Variants in VAV2 observed in about 807,000 individuals in gnomAD.
VAV2 encodes the protein vav guanine nucleotide exchange factor 2, also known as guanine nucleotide exchange factor VAV2.
Under a neutral mutation model 132.5 loss-of-function variants are expected in VAV2, and 67 were observed. The observed-to-expected ratio is 0.51, with a 90% CI of 0.42 to 0.62. The LOEUF (loss-of-function observed/expected upper bound fraction) is 0.62, where lower values mean the gene tolerates loss of function less well. VAV2 is among the 20% of genes least tolerant of loss of function. VAV2 has a pLI of 0.00. For synonymous variants in VAV2, 492 were observed against 443.5 expected (o/e 1.11, Z -1.37); for missense variants, 938 against 1,153.6 (o/e 0.81, Z 2.71).
chr9:133,916,081 G>A (rs1419106624), intron 2 of VAV2, among the ~76,000 whole-genome samples: 1 of 152,214 alleles, frequency 6.6e-6, no homozygotes, highest in African/African-American at 2.4e-5. Context: ...ATACACACGT[G>A]CACACACGCA....
intron 12 of VAV2, among the ~76,000 whole-genome samples, 177 bp downstream of exon 12, chr9:133,795,491 T>A (rs917392146): frequency 2.4e-4 from 36 of 152,258 alleles, no homozygotes; most frequent in African/African-American, 7.7e-4. Flanking sequence ...CCTCCACCCG[T>A]CACCTCTACC....
chr9:133,806,857 C>T (rs1477213130), intron 8 of VAV2, among the ~76,000 whole-genome samples: 2 of 152,260 alleles, frequency 1.3e-5, no homozygotes, highest in Middle Eastern at 3.2e-3. Flanking sequence ...CTGCTAACCA[C>T]GTCTAGGTGA....
At chr9:133,931,048 A>C (rs557232441) in intron 2 of VAV2, among the ~76,000 whole-genome samples, 23 of 152,338 alleles carry the variant, frequency 1.5e-4, no homozygotes, top group African/African-American at 4.8e-4. Context: ...TTCCGCCCCG[A>C]GTGAGGCTGG....
At chr9:133,910,106 C>A (rs1839824867) in intron 2 of VAV2, among the ~76,000 whole-genome samples, 1 of 152,148 alleles carries the variant, frequency 6.6e-6, no homozygotes, top group Non-Finnish European at 1.5e-5. Context: ...GAATCAGCTT[C>A]CCCCACCCCA....
chr9:133,945,158 G>A (rs1307057870), intron 1 of VAV2, among the ~76,000 whole-genome samples: 1 of 152,244 alleles, frequency 6.6e-6, no homozygotes. Flanking sequence ...ATCTGGGATG[G>A]TTTGACCCCC....
chr9:133,913,237 T>C (rs1360360918), intron 2 of VAV2, among the ~76,000 whole-genome samples: 2 of 152,160 alleles, frequency 1.3e-5, no homozygotes, highest in African/African-American at 2.4e-5. Flanking sequence ...CAACGGCTCA[T>C]AGCTGGCGCC....
rs1029993686 is a variant in VAV2, at chr9:133,823,940, G to A, written c.449+10332C>T. Among the ~76,000 whole-genome samples the A allele has an allele frequency of 4.6e-5, 7 of 152,120 alleles. No homozygotes were observed. Among genetic ancestry groups the A allele is most frequent in the Admixed American group, 2.0e-4 (3 of 15,274 alleles). The stretch of plus-strand genomic sequence containing the variant: ...TGCGTGCGTCAGAGGGTTCCCCTGC[G>A]ATCTCCCACTGAGAAGGAACAAACG... On this transcript the variant is annotated intron_variant, in intron 4 of 29. Transcript: ENST00000371850. This position sits in a 1 kb window ranked among gnomAD's most constrained non-coding sequence, Gnocchi z 5.5.
intron 2 of VAV2, 112 bp downstream of exon 2, chr9:133,938,991 G>T: frequency 1.0e-6 from 1 of 969,384 alleles, no homozygotes; most frequent in Non-Finnish European, 1.7e-6. Context: ...AAATCCACTG[G>T]CTCTGTGTTG....
intron 1 of VAV2, among the ~76,000 whole-genome samples, chr9:133,975,334 T>C (rs560604835): frequency 2.0e-5 from 3 of 152,286 alleles, no homozygotes; most frequent in Non-Finnish European, 4.4e-5. Flanking sequence ...GTCAATGTTA[T>C]CTGCCTCTCT....
chr9:133,881,545 A>T (rs2131939785), intron 2 of VAV2, among the ~76,000 whole-genome samples: 1 of 152,288 alleles, frequency 6.6e-6, no homozygotes, highest in South Asian at 2.1e-4. Context: ...GACGAGGAAC[A>T]CAGTCCACAG....
chr9:133,902,423 G>A (rs1018505786), intron 2 of VAV2, among the ~76,000 whole-genome samples: 6 of 152,186 alleles, frequency 3.9e-5, no homozygotes, highest in African/African-American at 1.4e-4. Flanking sequence ...CCTGAAATGC[G>A]GCCAGCACTG....
intron 15 of VAV2, 55 bp from the exon 16 acceptor site, chr9:133,787,315 C>A: frequency 6.6e-7 from 1 of 1,525,380 alleles, no homozygotes; most frequent in East Asian, 2.4e-5. Flanking sequence ...AGGCTAAGCC[C>A]GGCCCTGTGG....
intron 1 of VAV2, among the ~76,000 whole-genome samples, chr9:133,982,639 A>G (rs570660448): frequency 0.011 from 1,743 of 152,164 alleles, 13 homozygotes; most frequent in Non-Finnish European, 0.017. Context: ...TGTGCTTTGC[A>G]GGGCCCACCA....
At chr9:133,920,419 G>A (rs745962578) in intron 2 of VAV2, among the ~76,000 whole-genome samples, 23 of 152,194 alleles carry the variant, frequency 1.5e-4, no homozygotes, top group Non-Finnish European at 2.8e-4. Context: ...TAGAAGAGGC[G>A]GTGCTGGGCT....
At chr9:133,955,127 C>T (rs967365657) in intron 1 of VAV2, among the ~76,000 whole-genome samples, 6 of 151,940 alleles carry the variant, frequency 3.9e-5, no homozygotes, top group Non-Finnish European at 7.4e-5. Context: ...CCTCCAGGCT[C>T]GGCCAAGGGT....
intron 4 of VAV2, among the ~76,000 whole-genome samples, chr9:133,827,105 A>G (rs1236646959): frequency 2.6e-5 from 4 of 152,018 alleles, no homozygotes; most frequent in Non-Finnish European, 5.9e-5. Context: ...GGGCCCCAGG[A>G]CTCCAGGCCA....
chr9:133,855,917 C>T (rs1180959968), intron 3 of VAV2, among the ~76,000 whole-genome samples: 3 of 152,194 alleles, frequency 2.0e-5, no homozygotes, highest in African/African-American at 4.8e-5. Flanking sequence ...GAGTTCATCA[C>T]GTGATAAACG....
chr9:133,849,264 A>T (rs1307212538), intron 3 of VAV2, among the ~76,000 whole-genome samples: 1 of 152,150 alleles, frequency 6.6e-6, no homozygotes, highest in East Asian at 1.9e-4. Flanking sequence ...CTGACCCCGA[A>T]GGCTCACCCC....
chr9:133,915,698 C>T (rs369088688), intron 2 of VAV2, among the ~76,000 whole-genome samples: 16 of 132,644 alleles, frequency 1.2e-4, no homozygotes, highest in African/African-American at 4.1e-4. Context: ...CGTGCACACA[C>T]AATGCACAGA....
Sources: gnomAD v4.1 joint callset for allele counts (sites outside exome capture counted in the v4.1 genomes callset) on GRCh38, gnomAD v4.1.1 for gene constraint, Gnocchi (gnomAD v3.1) non-coding constraint, MANE v1.5 for transcripts, NCBI Gene and HGNC (gene_info 2026-07-23, HGNC 2026-07-21) for gene names.